Variants in CAPZB observed in about 807,000 individuals in gnomAD.
The protein encoded by CAPZB is F-actin-capping protein subunit beta.
CAPZB carries 2 observed loss-of-function variants against 38.1 expected under a neutral mutation model. That is an observed-to-expected ratio of 0.05 (90% CI 0.02 to 0.17). The LOEUF (loss-of-function observed/expected upper bound fraction) is 0.17, where lower values mean the gene tolerates loss of function less well. Ranked by LOEUF, CAPZB falls within the 10% of genes least tolerant of loss-of-function variation. CAPZB has a pLI of 1.00. For missense variants in CAPZB, 161 were observed against 334.2 expected, an observed-to-expected ratio of 0.48 and a Z score of 4.04; for synonymous variants, 107 against 127.4, an observed-to-expected ratio of 0.84 and a Z score of 1.08.
chr1:19,358,967 C>G (rs568383225), intron 4 of CAPZB, among the ~76,000 whole-genome samples: 1 of 152,190 alleles, frequency 6.6e-6, no homozygotes, highest in Admixed American at 6.5e-5. Flanking sequence ...ATGCATGCGT[C>G]CAACAACTAT....
chr1:19,390,378 G>A lies in CAPZB; in HGVS notation c.94-4752C>T, dbSNP rs569642901. On this transcript the variant is annotated intron_variant, in intron 2 of 8. Transcript: ENST00000264202. The stretch of plus-strand genomic sequence containing the variant: ...GGAGCGGTGCTGACACGCGGCAGCC[G>A]GATGGTTTCTGTCTAAACCACCCAT... Among the ~76,000 whole-genome samples the A allele has an allele frequency of 5.3e-5, 8 of 152,368 alleles. No individual in the cohort carries two copies. In the East Asian group the frequency reaches 5.8e-4, roughly 11 times the overall value.
chr1:19,390,766 G>A (rs2094229600), intron 2 of CAPZB, among the ~76,000 whole-genome samples: 1 of 152,222 alleles, frequency 6.6e-6, no homozygotes, highest in Non-Finnish European at 1.5e-5. Context: ...AGACTAGGAT[G>A]CCATTGGCAA....
At chr1:19,413,412 C>A (rs1166104749) in intron 2 of CAPZB, among the ~76,000 whole-genome samples, 2 of 152,234 alleles carry the variant, frequency 1.3e-5, no homozygotes, top group Non-Finnish European at 2.9e-5. Flanking sequence ...TAGCTCACTG[C>A]AGCTTTGACC....
intron 2 of CAPZB, among the ~76,000 whole-genome samples, chr1:19,394,663 C>G (rs2094256252): frequency 6.6e-6 from 1 of 152,126 alleles, no homozygotes; most frequent in Admixed American, 6.5e-5. Context: ...TTGCAGTGAG[C>G]AGAGATCGCG....
At chr1:19,423,559 C>T (rs1180512198) in intron 1 of CAPZB, among the ~76,000 whole-genome samples, 2 of 137,350 alleles carry the variant, frequency 1.5e-5, no homozygotes, top group East Asian at 2.1e-4. Flanking sequence ...GGCTCTCACT[C>T]TGTCGCCCAG....
At chr1:19,425,768 G>A (rs1229639895) in intron 1 of CAPZB, among the ~76,000 whole-genome samples, 4 of 152,108 alleles carry the variant, frequency 2.6e-5, no homozygotes, top group Non-Finnish European at 2.9e-5. Context: ...GACATCCGAC[G>A]GTATTATGAA....
chr1:19,363,806 C>T (rs967896090), intron 4 of CAPZB, among the ~76,000 whole-genome samples: 1 of 152,200 alleles, frequency 6.6e-6, no homozygotes, highest in South Asian at 2.1e-4. Context: ...CTCTTTACTC[C>T]TTCCTTTCAC....
chr1:19,379,397 C>T (rs549022172), intron 3 of CAPZB, among the ~76,000 whole-genome samples: 10 of 152,308 alleles, frequency 6.6e-5, no homozygotes, highest in Non-Finnish European at 1.2e-4. Context: ...CCGCGCCTGG[C>T]CATGTGTTCA....
rs116735517 is a variant in CAPZB at position 19,435,932 on chromosome 1, C to T, written c.4-16182G>A. Among the ~76,000 whole-genome samples, 283 of 152,276 alleles carry T rather than the reference C, an allele frequency of 1.9e-3. 3 individuals are homozygous for T. The highest frequency in any genetic ancestry group is 1.1e-3 in the Non-Finnish European group (78 of 68,036). The stretch of plus-strand genomic sequence containing the variant: ...GAGTCACAAGTGAGGAAGGCAGCAC[C>T]GCTCTCTAGTTAAGGATACAGGTTG... On this transcript the variant is annotated intron_variant, in intron 1 of 8. Transcript: ENST00000264202.
chr1:19,483,945 G>A (rs1570393246), intron 1 of CAPZB, among the ~76,000 whole-genome samples: 1 of 152,300 alleles, frequency 6.6e-6, no homozygotes, highest in Middle Eastern at 3.4e-3. Flanking sequence ...AACACTTTGA[G>A]GCCCAAAGTC....
At chr1:19,465,365 G>A (rs981618011) in intron 1 of CAPZB, among the ~76,000 whole-genome samples, 1 of 152,188 alleles carries the variant, frequency 6.6e-6, no homozygotes, top group South Asian at 2.1e-4. Context: ...ACAAGCCTTT[G>A]CCAAACACTG....
At chr1:19,349,815 AG>A (rs2093982019) in intron 6 of CAPZB, among the ~76,000 whole-genome samples, 1 of 152,068 alleles carries the variant, frequency 6.6e-6, no homozygotes, top group Non-Finnish European at 1.5e-5. Flanking sequence ...TGAGGGGCAC[AG>A]GGCTCGGTGC....
chr1:19,450,886 G>A (rs980280722), intron 1 of CAPZB, among the ~76,000 whole-genome samples: 3 of 152,200 alleles, frequency 2.0e-5, no homozygotes, highest in Non-Finnish European at 4.4e-5. Context: ...AAAAGGTTAT[G>A]AAAAACCCCA....
chr1:19,404,553 AAAAAAAAAAAAG>A (rs1191029667), intron 2 of CAPZB, among the ~76,000 whole-genome samples: 1 of 58,306 alleles, frequency 1.7e-5, no homozygotes, highest in Non-Finnish European at 3.4e-5. Context: ...TAAAAAAAAA[AAAAAAAAAAAAG>A]AGGTAATGGG....
chr1:19,480,805 G>C (rs2094625663), intron 1 of CAPZB, among the ~76,000 whole-genome samples: 1 of 152,182 alleles, frequency 6.6e-6, no homozygotes, highest in Non-Finnish European at 1.5e-5. Context: ...GTGCGTTCAA[G>C]GCACAACCCA....
At chr1:19,382,776 C>T (rs1397795637) in intron 3 of CAPZB, among the ~76,000 whole-genome samples, 3 of 152,186 alleles carry the variant, frequency 2.0e-5, no homozygotes, top group Non-Finnish European at 4.4e-5. Flanking sequence ...AGCTGCCTTA[C>T]ACAGTCAACT....
intron 1 of CAPZB, among the ~76,000 whole-genome samples, chr1:19,438,417 C>T (rs1558261759): frequency 6.6e-6 from 1 of 152,146 alleles, no homozygotes; most frequent in Non-Finnish European, 1.5e-5. Flanking sequence ...TCGAAACTGT[C>T]CTGCTGCCAA....
chr1:19,402,797 C>G (rs1033035533), intron 2 of CAPZB, among the ~76,000 whole-genome samples: 1 of 152,148 alleles, frequency 6.6e-6, no homozygotes, highest in Non-Finnish European at 1.5e-5. Flanking sequence ...TCTGTAATCC[C>G]AGCACTTTGG....
chr1:19,368,907 G>A (rs2094105545), intron 4 of CAPZB, among the ~76,000 whole-genome samples: 1 of 152,170 alleles, frequency 6.6e-6, no homozygotes, highest in South Asian at 2.1e-4. Context: ...GGGGAGTGCA[G>A]GGTCTCTGGC....
Sources: allele counts gnomAD v4.1 joint callset (sites outside exome capture counted in the v4.1 genomes callset), GRCh38; gene constraint gnomAD v4.1.1; transcripts MANE v1.5; gene names NCBI Gene and HGNC (gene_info 2026-07-23, HGNC 2026-07-21).